The following ARMC8 variants were observed in gnomAD, a reference collection of about 807,000 sequenced individuals.
The protein encoded by ARMC8 is armadillo repeat containing 8, also known as armadillo repeat-containing protein 8.
ARMC8 carries 20 observed loss-of-function variants against 99.3 expected under a neutral mutation model. That is an observed-to-expected ratio of 0.20 (90% CI 0.14 to 0.29). The LOEUF is 0.29. Ranked by LOEUF, ARMC8 falls within the 10% of genes least tolerant of loss-of-function variation. The pLI is 1.00. For synonymous variants in ARMC8, 263 were observed against 278.3 expected (o/e 0.95, Z 0.55); for missense variants, 569 against 809.5 (o/e 0.70, Z 3.60).
chr3:138,255,203 T>TG (rs1312614341), intron 12 of ARMC8, among the ~76,000 whole-genome samples: 15 of 147,330 alleles, frequency 1.0e-4, no homozygotes, highest in African/African-American at 3.7e-4. Context: ...TTTTTTTTTT[T>TG]TTGTTTTTTT....
intron 1 of ARMC8, among the ~76,000 whole-genome samples, chr3:138,195,456 A>G (rs1470006413): frequency 6.6e-6 from 1 of 152,196 alleles, no homozygotes; most frequent in Non-Finnish European, 1.5e-5. Context: ...GTGCATGTTC[A>G]GGAAGTCTTT....
intron 16 of ARMC8, among the ~76,000 whole-genome samples, chr3:138,270,598 TACA>T (rs1208290478): frequency 6.6e-6 from 1 of 152,186 alleles, no homozygotes; most frequent in Non-Finnish European, 1.5e-5. Context: ...GTTTATAAAG[TACA>T]ACATGATGTT....
intron 2 of ARMC8, among the ~76,000 whole-genome samples, chr3:138,218,851 G>T (rs2045233195): frequency 6.6e-6 from 1 of 152,278 alleles, no homozygotes; most frequent in East Asian, 1.9e-4. Context: ...GTGGGCATGA[G>T]ATGACATTCT....
At chr3:138,288,402 C>T (rs141383930) in intron 19 of ARMC8, among the ~76,000 whole-genome samples, 6 of 152,208 alleles carry the variant, frequency 3.9e-5, no homozygotes, top group Non-Finnish European at 5.9e-5. Flanking sequence ...AGTGTTTCCT[C>T]GTGCATGGAT....
At chr3:138,273,278 G>A (rs79293976) in intron 17 of ARMC8, among the ~76,000 whole-genome samples, 162 bp downstream of exon 17, 6,000 of 152,208 alleles carry the variant, frequency 0.039, 129 homozygotes, top group Middle Eastern at 0.075. Context: ...TGTCACCTTC[G>A]TAGGTGTTCT....
intron 2 of ARMC8, among the ~76,000 whole-genome samples, chr3:138,220,985 C>T (rs536576961): frequency 2.0e-5 from 3 of 152,126 alleles, no homozygotes; most frequent in East Asian, 1.9e-4. Flanking sequence ...TCACCGTGCC[C>T]GGCCAGGGAA....
At position 138,187,620 on chromosome 3, in the gene ARMC8, G is replaced by A. The variant is rs1015185001; in HGVS notation, c.45+21G>A. ...TTTCGGTGAGTGACCCGCCGCGGCC[G>A]CCCGCCCGCCCTCCAGGAAGCCTCA... is the stretch of plus-strand genomic sequence containing the variant. On this transcript the variant is annotated intron_variant, in intron 1 of 21. Coordinates refer to ENST00000469044, the MANE Select transcript of ARMC8 (RefSeq NM_001363941.2). 2.4e-5 allele frequency: 37 copies of A among 1,534,258 alleles called. No individual in the cohort carries two copies. In the Middle Eastern group the frequency reaches 1.2e-3, roughly 48 times the overall value.
At position 138,241,998 on chromosome 3, in the gene ARMC8, T is replaced by G. The variant is rs1472203639; in HGVS notation, c.1038+15T>G. 6.2e-7 allele frequency: 1 copy of G among 1,607,698 alleles called. No homozygotes were observed. The highest frequency in any genetic ancestry group is 8.5e-7 in the Non-Finnish European group (1 of 1,174,968). On this transcript the variant is annotated intron_variant, in intron 11 of 21. Coordinates refer to ENST00000469044, the MANE Select transcript of ARMC8 (RefSeq NM_001363941.2). Reference sequence around the variant, plus strand: ...ATATTAAAAGGGTATGTTATTTTCCTTTTTTAGCAGCTCAAGGGAGATTTT... The same window carrying G: ...ATATTAAAAGGGTATGTTATTTTCCGTTTTTAGCAGCTCAAGGGAGATTTT...
chr3:138,194,304 A>G (rs2043573020), intron 1 of ARMC8, among the ~76,000 whole-genome samples: 1 of 146,572 alleles, frequency 6.8e-6, no homozygotes, highest in South Asian at 2.1e-4. Context: ...CGGCCTCCCA[A>G]AATGCTGGGA....
In ARMC8 at chr3:138,274,429, G is replaced by A; in HGVS notation, c.1630-20G>A. 4 of 1,487,352 alleles carry A rather than the reference G, an allele frequency of 2.7e-6. No homozygotes were observed. The South Asian group carries it at 3.5e-5, about 13-fold the overall frequency. The allele number at this position is 1,487,352 out of a possible 1,614,324, so 92.1% of individuals were successfully genotyped here. ...GGTCTTTGTTTCTTTGATAATTATGGATTTCCCATTGTTTTACAGCATATA... is the reference window on the plus strand; with the variant it reads ...GGTCTTTGTTTCTTTGATAATTATGAATTTCCCATTGTTTTACAGCATATA... On this transcript the variant is annotated intron_variant, in intron 17 of 21. Coordinates refer to ENST00000469044, the MANE Select transcript of ARMC8 (RefSeq NM_001363941.2).
intron 1 of ARMC8, among the ~76,000 whole-genome samples, chr3:138,204,941 T>C (rs1196523909): frequency 2.6e-5 from 4 of 152,164 alleles, no homozygotes; most frequent in Non-Finnish European, 1.5e-5. Context: ...GGATGTCTAA[T>C]ATGATTCTCA....
At chr3:138,236,714 T>C (rs2108151578) in intron 7 of ARMC8, among the ~76,000 whole-genome samples, 1 of 151,092 alleles carries the variant, frequency 6.6e-6, no homozygotes, top group East Asian at 1.9e-4. Context: ...GAGGATTAGA[T>C]TGGATTAGAA....
In ARMC8 at chr3:138,270,116, G is replaced by T; in HGVS notation, c.1463G>T (p.Gly488Val). ...QSENPALRVN[G>V]IWALMNMAFQ... Reference sequence around the variant, plus strand: ...GAAAATCCTGCTTTACGAGTGAATGGAATTTGGGCTTTAATGGTACGTTTC... The same window carrying T: ...GAAAATCCTGCTTTACGAGTGAATGTAATTTGGGCTTTAATGGTACGTTTC... The change falls in exon 16 of 22, where the codon GGA (glycine) becomes GTA (valine). Residue 488 changes from glycine (G) to valine (V), a missense_variant. By Grantham distance (109) the Gly-to-Val change is moderately radical. Coordinates refer to ENST00000469044, the MANE Select transcript of ARMC8 (RefSeq NM_001363941.2). The T allele has an allele frequency of 6.2e-7, 1 of 1,611,748 alleles. No individual in the cohort carries two copies. Among genetic ancestry groups the T allele is most frequent in the Non-Finnish European group, 8.5e-7 (1 of 1,178,044 alleles).
intron 6 of ARMC8, among the ~76,000 whole-genome samples, chr3:138,231,961 CTTTTTTTTTT>C (rs61298993): frequency 1.7e-4 from 10 of 58,636 alleles, no homozygotes; most frequent in African/African-American, 3.3e-4. Context: ...CTTGCAATTG[CTTTTTTTTTT>C]TTTTTTTTTT....
chr3:138,269,213 T>G (rs1022835067), intron 15 of ARMC8, among the ~76,000 whole-genome samples: 7 of 152,236 alleles, frequency 4.6e-5, no homozygotes, highest in African/African-American at 1.7e-4. Context: ...AAATATAATT[T>G]GTACAGTTGA....
chr3:138,255,165 A>C (rs958169787), intron 12 of ARMC8, among the ~76,000 whole-genome samples: 4 of 143,518 alleles, frequency 2.8e-5, no homozygotes, highest in Non-Finnish European at 6.1e-5. Context: ...CTCCCACCCC[A>C]TGCCTCCCAA....
chr3:138,237,865 A>G lies in ARMC8; in HGVS notation c.776+293A>G, dbSNP rs181113402. On this transcript the variant is annotated intron_variant, in intron 9 of 21. Transcript: ENST00000469044. Reference sequence around the variant, plus strand: ...TTCTACTTCAGTTGAAATAATACTGAATTAGATTAGATTTAACCAACATAT... The same window carrying G: ...TTCTACTTCAGTTGAAATAATACTGGATTAGATTAGATTTAACCAACATAT... Among the ~76,000 whole-genome samples the G allele has an allele frequency of 2.2e-3, 333 of 152,220 alleles. 2 individuals are homozygous for G. Among genetic ancestry groups the G allele is most frequent in the Non-Finnish European group, 3.8e-3 (260 of 68,004 alleles).
intron 21 of ARMC8, 58 bp from the exon 22 acceptor site, chr3:138,295,801 G>T: frequency 6.3e-7 from 1 of 1,590,230 alleles, no homozygotes; most frequent in Non-Finnish European, 8.6e-7. Flanking sequence ...GAACCATAGG[G>T]TTTTTTACCC....
chr3:138,276,928 C>A (rs994926416), intron 18 of ARMC8, among the ~76,000 whole-genome samples: 1 of 152,036 alleles, frequency 6.6e-6, no homozygotes, highest in Non-Finnish European at 1.5e-5. Context: ...ATTTTAAAAT[C>A]TGTATGAAAA....
Sources: gnomAD v4.1 joint callset for allele counts (sites outside exome capture counted in the v4.1 genomes callset) on GRCh38, gnomAD v4.1.1 for gene constraint, MANE v1.5 for transcripts, NCBI Gene and HGNC (gene_info 2026-07-23, HGNC 2026-07-21) for gene names.